PCDHGB3: variants seen among roughly 807,000 people sequenced by gnomAD.
The protein encoded by PCDHGB3 is protocadherin gamma-B3.
In PCDHGB3, 40 loss-of-function variants were observed where a neutral mutation model predicts 59.2. The observed-to-expected ratio is 0.68, with a 90% confidence interval of 0.52 to 0.88. The LOEUF (loss-of-function observed/expected upper bound fraction) is 0.88, where lower values mean the gene tolerates loss of function less well. Among genes scored for constraint, PCDHGB3 ranks in the 40% least tolerant of loss-of-function variants. The pLI is 0.00. For synonymous variants in PCDHGB3, 581 were observed against 503.6 expected (o/e 1.15, Z -2.06); for missense variants, 1,309 against 1,187.9 (o/e 1.10, Z -1.50).
At chr5:141,427,960 G>C (rs759698390) in intron 1 of PCDHGB3, 7 of 1,589,168 alleles carry the variant, frequency 4.4e-6, no homozygotes, top group South Asian at 1.1e-5. Flanking sequence ...AATGTGCCGC[G>C]GGTGCTGTAC....
intron 1 of PCDHGB3, chr5:141,428,361 C>T (rs1285334430): frequency 9.0e-6 from 5 of 556,646 alleles, no homozygotes; most frequent in South Asian, 7.5e-5. Context: ...TTTTGGCGGT[C>T]GCCTTGCACC....
chr5:141,384,533 A>C, intron 1 of PCDHGB3: 2 of 1,614,240 alleles, frequency 1.2e-6, no homozygotes. Flanking sequence ...CTCAGCAGCA[A>C]CATGTCACTG....
chr5:141,420,993 C>T (rs956578377), intron 1 of PCDHGB3: 2 of 501,412 alleles, frequency 4.0e-6, no homozygotes, highest in Non-Finnish European at 7.0e-6. Context: ...GGCGCCGCTG[C>T]TCACCAATCA....
chr5:141,447,648 T>A (rs1262852729), intron 1 of PCDHGB3, among the ~76,000 whole-genome samples: 3 of 152,164 alleles, frequency 2.0e-5, no homozygotes, highest in African/African-American at 4.8e-5. Flanking sequence ...ATGGTAGAAT[T>A]TTCCCCCCCA....
At position 141,477,368 on chromosome 5, in the gene PCDHGB3, G is replaced by A; in HGVS notation, c.2416-17439G>A. Reference sequence around the variant, plus strand: ...GAAAACCAGTGCAGACCTGGATCGGGAGACTGTGCCAGAATACAACCTCAG... The same window carrying A: ...GAAAACCAGTGCAGACCTGGATCGGAAGACTGTGCCAGAATACAACCTCAG... On this transcript the variant is annotated intron_variant, in intron 1 of 3. Coordinates refer to ENST00000576222, the MANE Select transcript of PCDHGB3 (RefSeq NM_018924.5). The surrounding 1 kb of genome is among the most constrained non-coding windows in gnomAD (Gnocchi z 4.9). 6.2e-7 allele frequency: 1 copy of A among 1,614,132 alleles called. No individual in the cohort carries two copies. Among genetic ancestry groups the A allele is most frequent in the Non-Finnish European group, 8.5e-7 (1 of 1,180,024 alleles).
rs1223986597 is a variant in PCDHGB3, at chr5:141,417,300, A to G, written c.2415+44491A>G. The G allele has an allele frequency of 2.0e-5, 3 of 152,440 alleles. No homozygotes were observed. In the East Asian group the frequency reaches 5.8e-4, roughly 29 times the overall value. The allele number at this position is 152,440 out of a possible 1,614,324, so 9.4% of individuals were successfully genotyped here. ...AAGGAACAAGAATGACTGCCTCTGG[A>G]TGGAGGAATTGGATAGCAATGGGCC... On this transcript the variant is annotated intron_variant, in intron 1 of 3. Coordinates refer to ENST00000576222, the MANE Select transcript of PCDHGB3 (RefSeq NM_018924.5).
chr5:141,462,202 C>T (rs188546035), intron 1 of PCDHGB3, among the ~76,000 whole-genome samples: 1,522 of 152,002 alleles, frequency 0.01, 33 homozygotes, highest in African/African-American at 0.034. Flanking sequence ...TCAGGTGATC[C>T]GCCTGCCTCG....
At chr5:141,375,670 G>A (rs1186753190) in intron 1 of PCDHGB3, 5 of 1,614,248 alleles carry the variant, frequency 3.1e-6, no homozygotes, top group Non-Finnish European at 4.2e-6. Context: ...GAGACCTACA[G>A]CTGTGGGTGA....
intron 1 of PCDHGB3, chr5:141,399,854 G>T (rs747617678): frequency 6.2e-7 from 1 of 1,612,904 alleles, no homozygotes; most frequent in Non-Finnish European, 8.5e-7. Flanking sequence ...ATGGTGCCGC[G>T]CGCTGCAGAG....
intron 1 of PCDHGB3, among the ~76,000 whole-genome samples, chr5:141,464,794 A>C (rs2154568597): frequency 6.6e-6 from 1 of 152,128 alleles, no homozygotes; most frequent in East Asian, 1.9e-4. Flanking sequence ...GCCAAATTGC[A>C]GTGATGCAGT....
chr5:141,410,628 T>G (rs758174899), intron 1 of PCDHGB3: 1 of 1,602,040 alleles, frequency 6.2e-7, no homozygotes, highest in South Asian at 1.1e-5. Context: ...TCGGTGAGTT[T>G]CTCTTTTTTG....
At chr5:141,469,424 AC>A (rs1173507321) in intron 1 of PCDHGB3, among the ~76,000 whole-genome samples, 1 of 151,864 alleles carries the variant, frequency 6.6e-6, no homozygotes, top group East Asian at 1.9e-4. Context: ...AAAATATAAA[AC>A]TTAGCTGGGC....
intron 1 of PCDHGB3, chr5:141,384,222 G>A: frequency 1.2e-6 from 2 of 1,613,868 alleles, no homozygotes; most frequent in South Asian, 2.2e-5. Context: ...TATTCATGCA[G>A]GTGGCAGACA....
chr5:141,383,800 A>C, intron 1 of PCDHGB3: 1 of 1,614,000 alleles, frequency 6.2e-7, no homozygotes, highest in Non-Finnish European at 8.5e-7. Flanking sequence ...TACAGGAGAA[A>C]TATCAACTTT....
chr5:141,408,641 T>C, intron 1 of PCDHGB3: 1 of 1,614,034 alleles, frequency 6.2e-7, no homozygotes, highest in Non-Finnish European at 8.5e-7. Context: ...CGAATCTGCA[T>C]CCGCTGGTAC....
intron 1 of PCDHGB3, among the ~76,000 whole-genome samples, chr5:141,449,909 A>G (rs2098658849): frequency 6.6e-6 from 1 of 151,828 alleles, no homozygotes; most frequent in Non-Finnish European, 1.5e-5. Context: ...TATAGTCCAT[A>G]TTTAAATTCT....
At chr5:141,393,886 A>G (rs944974638) in intron 1 of PCDHGB3, 3 of 1,614,034 alleles carry the variant, frequency 1.9e-6, no homozygotes, top group Admixed American at 1.7e-5. Context: ...CCAGTGTTAG[A>G]AAATTCTCTT....
At chr5:141,384,649 C>A (rs778822731) in intron 1 of PCDHGB3, 2 of 1,614,232 alleles carry the variant, frequency 1.2e-6, no homozygotes, top group South Asian at 1.1e-5. Flanking sequence ...CTCCGCAGAG[C>A]CCGGCTACCT....
At chr5:141,452,948 G>A (rs2098752873) in intron 1 of PCDHGB3, among the ~76,000 whole-genome samples, 1 of 152,134 alleles carries the variant, frequency 6.6e-6, no homozygotes, top group African/African-American at 2.4e-5. Context: ...CTTGCAATTG[G>A]TTGTCTTTAA....
Sources: gnomAD v4.1 joint callset for allele counts (sites outside exome capture counted in the v4.1 genomes callset) on GRCh38, gnomAD v4.1.1 for gene constraint, Gnocchi (gnomAD v3.1) non-coding constraint, MANE v1.5 for transcripts, NCBI Gene and HGNC (gene_info 2026-07-23, HGNC 2026-07-21) for gene names.